BOC: variants seen among roughly 807,000 people sequenced by gnomAD.
The protein encoded by BOC is brother of CDO.
Under a neutral mutation model 112.0 loss-of-function variants are expected in BOC, and 76 were observed. The ratio of observed to expected loss-of-function variants is 0.68; its 90% CI spans 0.56 to 0.82. BOC has a LOEUF of 0.82. Ranked by LOEUF, BOC falls within the 40% of genes least tolerant of loss-of-function variation. The pLI is 0.00. For missense variants in BOC, 1,309 were observed against 1,511.7 expected (o/e 0.87, Z 2.22); for synonymous variants, 580 against 599.8 (o/e 0.97, Z 0.48).
chr3:113,272,781 C>A, intron 7 of BOC, 78 bp downstream of exon 7: 1 of 1,509,112 alleles, frequency 6.6e-7, no homozygotes, highest in South Asian at 1.3e-5. Context: ...GTAACCCAGG[C>A]TCACAAAGGG....
chr3:113,256,617 C>T (rs1170400448), intron 4 of BOC, among the ~76,000 whole-genome samples: 1 of 152,196 alleles, frequency 6.6e-6, no homozygotes, highest in Non-Finnish European at 1.5e-5. Context: ...TCACTAAGGT[C>T]ACCTAGGTTC....
intron 1 of BOC, among the ~76,000 whole-genome samples, chr3:113,214,308 A>G (rs1003519138): frequency 6.6e-6 from 1 of 152,188 alleles, no homozygotes; most frequent in Admixed American, 6.5e-5. Flanking sequence ...CTCTTCAACA[A>G]CATGGTTTCC....
chr3:113,257,511 C>T (rs149078143), intron 4 of BOC, among the ~76,000 whole-genome samples: 11 of 152,144 alleles, frequency 7.2e-5, no homozygotes, highest in African/African-American at 2.4e-4. Flanking sequence ...CCTAATTTTC[C>T]CCTAGTCTTG....
chr3:113,264,076 C>G (rs908322700), intron 4 of BOC, among the ~76,000 whole-genome samples: 3 of 152,120 alleles, frequency 2.0e-5, no homozygotes, highest in African/African-American at 4.8e-5. Flanking sequence ...GGAACTGGGC[C>G]GGGTTCTATA....
chr3:113,254,357 G>A (rs182442457), intron 4 of BOC, among the ~76,000 whole-genome samples: 9 of 152,292 alleles, frequency 5.9e-5, no homozygotes, highest in African/African-American at 2.2e-4. Context: ...GAGGGAGTTG[G>A]TGGAGTGGAA....
At position 113,250,691 on chromosome 3, in the gene BOC, G is replaced by A. The variant is rs974585437; in HGVS notation, c.234G>A (p.Ser78=). 1.4e-5 allele frequency: 23 copies of A among 1,614,034 alleles called. No homozygotes were observed. Among genetic ancestry groups the A allele is most frequent in the Admixed American group, 8.3e-5 (5 of 59,988 alleles). The change falls in exon 4 of 20, where the codon TCG becomes TCA. Residue 78 remains serine (S), a synonymous_variant. Transcript: ENST00000682979. ...TGAATGGAAAGGAGCTGAATGGCTC[G>A]GATGATGCTCTGGGTGTCCTCATCA... is the stretch of plus-strand genomic sequence containing the variant. The part of the protein sequence containing the change: ...WRLNGKELNG[S]DDALGVLITH...
chr3:113,266,891 C>T (rs1274047368), intron 4 of BOC, among the ~76,000 whole-genome samples: 3 of 152,200 alleles, frequency 2.0e-5, no homozygotes, highest in Non-Finnish European at 4.4e-5. Context: ...AGCCTCCTGA[C>T]CTCACTGAGT....
At chr3:113,255,298 G>A (rs1946114811) in intron 4 of BOC, among the ~76,000 whole-genome samples, 1 of 151,966 alleles carries the variant, frequency 6.6e-6, no homozygotes. Flanking sequence ...TGAACCAACA[G>A]CAGACCCTGC....
chr3:113,275,506 C>T (rs1193298682), intron 9 of BOC, among the ~76,000 whole-genome samples: 2 of 152,218 alleles, frequency 1.3e-5, no homozygotes, highest in African/African-American at 4.8e-5. Flanking sequence ...AAGAAAATGT[C>T]CTTGAAAATG....
At chr3:113,267,376 A>C (rs1201859365) in intron 4 of BOC, among the ~76,000 whole-genome samples, 1 of 152,180 alleles carries the variant, frequency 6.6e-6, no homozygotes, top group Non-Finnish European at 1.5e-5. Context: ...CTTTTATTCT[A>C]GATGAATCTC....
chr3:113,283,917 A>G (rs1017356666), intron 16 of BOC, among the ~76,000 whole-genome samples: 1 of 151,792 alleles, frequency 6.6e-6, no homozygotes, highest in Non-Finnish European at 1.5e-5. Context: ...CTGACCTCAC[A>G]TTCCTACTTA....
intron 2 of BOC, among the ~76,000 whole-genome samples, chr3:113,242,141 G>A (rs968755403): frequency 4.0e-5 from 6 of 151,582 alleles, no homozygotes; most frequent in Non-Finnish European, 8.8e-5. Context: ...AAAAAGAAAA[G>A]AGAACGGCCT....
At chr3:113,260,494 A>AAC (rs1946696280) in intron 4 of BOC, among the ~76,000 whole-genome samples, 1 of 152,294 alleles carries the variant, frequency 6.6e-6, no homozygotes, top group African/African-American at 2.4e-5. Flanking sequence ...TCCATGACCT[A>AAC]ACACAGGGGT....
chr3:113,287,028 A>AG lies in BOC; in HGVS notation c.*166_*167insG. The stretch of plus-strand genomic sequence containing the variant: ...ATGTTTTATAATTCTGGAGAGACAT[A>AG]AGGAGTCCTACCCGTTGAGGTTGGA... On this transcript the variant is annotated 3_prime_UTR_variant, in exon 20 of 20. Transcript: ENST00000682979. 1.2e-6 allele frequency: 1 copy of AG among 831,482 alleles called. No individual in the cohort carries two copies. Among genetic ancestry groups the AG allele is most frequent in the South Asian group, 1.4e-5 (1 of 69,642 alleles). 51.5% of individuals were successfully genotyped at this position (831,482 alleles called of 1,614,324 possible).
Position 113,279,997 on chromosome 3 carries a change from A to C in BOC, c.2197A>C (p.Lys733Gln), listed in dbSNP as rs1327626376. 6.8e-6 allele frequency: 11 copies of C among 1,607,076 alleles called. No individual in the cohort carries two copies. The highest frequency in any genetic ancestry group is 1.7e-4 in the Middle Eastern group (1 of 6,026). ...DAVNETTIML[K>Q]WMYIPASNNN... ...GGTCAATGAGACCACCATCATGCTCAAGTGGATGGTAAGCGGGCCTGGCCG... is the reference window on the plus strand; with the variant it reads ...GGTCAATGAGACCACCATCATGCTCCAGTGGATGGTAAGCGGGCCTGGCCG... Residue 733 changes from lysine to glutamine, a missense_variant, in exon 13 of 20, where the codon AAG becomes CAG. Lys to Gln is a moderately conservative substitution (Grantham distance 53, BLOSUM62 1). Coordinates refer to ENST00000682979, the MANE Select transcript of BOC (RefSeq NM_001378074.1).
At chr3:113,223,854 C>T (rs1298337012) in intron 2 of BOC, among the ~76,000 whole-genome samples, 3 of 152,214 alleles carry the variant, frequency 2.0e-5, no homozygotes, top group Non-Finnish European at 2.9e-5. Context: ...ACCCCTCGCC[C>T]GCAACCAGAG....
intron 2 of BOC, among the ~76,000 whole-genome samples, chr3:113,228,509 T>A (rs74730848): frequency 0.069 from 10,428 of 152,120 alleles, 377 homozygotes; most frequent in East Asian, 0.098. Flanking sequence ...GAAGACTCCA[T>A]CTCCAGACCC....
Position 113,278,666 on chromosome 3 carries a change from C to T in BOC, c.1706-7C>T. ...TCCCTTGCTGACTACAACCCATTTC[C>T]ACCCAGGACGGCGGCCCAAACCCGA... On this transcript the variant is annotated splice_region_variant and splice_polypyrimidine_tract_variant and intron_variant, in intron 10 of 19. Transcript: ENST00000682979. The surrounding 1 kb of genome is among the most constrained non-coding windows in gnomAD (Gnocchi z 4.2). 6.4e-7 allele frequency: 1 copy of T among 1,556,032 alleles called. No homozygotes were observed. The highest frequency in any genetic ancestry group is 8.7e-7 in the Non-Finnish European group (1 of 1,149,240).
At chr3:113,272,791 G>C in intron 7 of BOC, 88 bp downstream of exon 7, 1 of 1,480,096 alleles carries the variant, frequency 6.8e-7, no homozygotes. Context: ...CTCACAAAGG[G>C]TTAGCATCTT....
Sources: allele counts gnomAD v4.1 joint callset (sites outside exome capture counted in the v4.1 genomes callset), GRCh38; gene constraint gnomAD v4.1.1; non-coding constraint Gnocchi (gnomAD v3.1); transcripts MANE v1.5; gene names NCBI Gene and HGNC (gene_info 2026-07-23, HGNC 2026-07-21).